TMEM117: variants seen among roughly 807,000 people sequenced by gnomAD.
TMEM117 encodes the protein transmembrane protein 117.
Under a neutral mutation model 52.4 loss-of-function variants are expected in TMEM117, and 27 were observed. The observed-to-expected ratio is 0.51, with a 90% CI of 0.38 to 0.71. The LOEUF is 0.71. TMEM117 is among the 30% of genes least tolerant of loss of function. The probability of loss-of-function intolerance (pLI) is 0.00; values close to 1 mark genes in which losing one functional copy is unlikely to be tolerated. For synonymous variants in TMEM117, 215 were observed against 206.3 expected (o/e 1.04, Z -0.36); for missense variants, 556 against 630.5 (o/e 0.88, Z 1.26).
chr12:44,064,233 A>G (rs573893480), intron 3 of TMEM117, among the ~76,000 whole-genome samples: 170 of 152,324 alleles, frequency 1.1e-3, no homozygotes, highest in Non-Finnish European at 9.6e-4. Flanking sequence ...AACGGTGTGA[A>G]TCAGTTGACA....
At chr12:44,213,371 G>C (rs1949672305) in intron 5 of TMEM117, among the ~76,000 whole-genome samples, 1 of 152,228 alleles carries the variant, frequency 6.6e-6, no homozygotes, top group East Asian at 1.9e-4. Context: ...TGCTAAAGAA[G>C]AACATACAGT....
chr12:43,976,633 G>T (rs181040146), intron 3 of TMEM117, among the ~76,000 whole-genome samples: 151 of 152,194 alleles, frequency 9.9e-4, no homozygotes, highest in Admixed American at 2.2e-3. Context: ...AAGAACAGCT[G>T]CTTTCAGCTC....
chr12:44,035,141 A>G (rs55917469), intron 3 of TMEM117, among the ~76,000 whole-genome samples: 14,552 of 152,134 alleles, frequency 0.096, 1,111 homozygotes, highest in African/African-American at 0.2. Context: ...CAGGCTTCAT[A>G]ATTGTGTGAG....
intron 2 of TMEM117, among the ~76,000 whole-genome samples, chr12:43,915,677 T>A (rs1385255120): frequency 6.6e-6 from 1 of 151,714 alleles, no homozygotes; most frequent in Non-Finnish European, 1.5e-5. Flanking sequence ...TAGAGAAGGC[T>A]TGTTTCTATT....
At chr12:43,797,250 T>C in the TMEM117 span, 6 of 1,522,410 alleles carry the variant, frequency 3.9e-6, no homozygotes, top group Non-Finnish European at 5.3e-6. Flanking sequence ...ATAGGGCTGA[T>C]ACACCAATAA....
At chr12:44,064,059 A>G (rs1947183990) in intron 3 of TMEM117, among the ~76,000 whole-genome samples, 1 of 152,080 alleles carries the variant, frequency 6.6e-6, no homozygotes, top group African/African-American at 2.4e-5. Flanking sequence ...TGAAGGGATT[A>G]CTGAGAACCA....
rs1361454472 is a variant in TMEM117, at chr12:44,388,560, A to G, written c.1433A>G (p.Tyr478Cys). 33 of 1,613,566 alleles carry G rather than the reference A, an allele frequency of 2.0e-5. No homozygotes were observed. The highest frequency in any genetic ancestry group is 2.7e-5 in the Non-Finnish European group (32 of 1,179,616). ...AGGTCTGACTTCAATGAGATCGTCT[A>G]CAAGTCTTCCCACCTAACCTCGGAA... Reference protein sequence around the residue: ...CIRSDFNEIVYKSSHLTSENL... With the variant: ...CIRSDFNEIVCKSSHLTSENL... Residue 478 changes from tyrosine to cysteine, a missense_variant, in exon 8 of 8, where the codon TAC becomes TGC. Around this residue, in one of 3 missense-constraint regions of TMEM117, gnomAD observed 206 missense variants for 211.1 expected, o/e 0.98. Coordinates refer to ENST00000266534, the MANE Select transcript of TMEM117 (RefSeq NM_032256.3).
chr12:44,076,223 A>G (rs1447689473), intron 3 of TMEM117, among the ~76,000 whole-genome samples: 2 of 152,238 alleles, frequency 1.3e-5, no homozygotes, highest in African/African-American at 4.8e-5. Context: ...TAGTGAGGAA[A>G]TGACATCAGA....
chr12:44,241,947 G>A (rs987745338), intron 5 of TMEM117, among the ~76,000 whole-genome samples: 1 of 151,790 alleles, frequency 6.6e-6, no homozygotes, highest in East Asian at 1.9e-4. Context: ...TTCGGAATTT[G>A]CTTGGCTATT....
At chr12:44,252,319 A>G (rs1378941348) in intron 5 of TMEM117, among the ~76,000 whole-genome samples, 1 of 152,134 alleles carries the variant, frequency 6.6e-6, no homozygotes, top group Non-Finnish European at 1.5e-5. Flanking sequence ...ATCCTGGGCA[A>G]CAAAGCAAAA....
At chr12:44,317,040 A>G (rs1341702505) in intron 6 of TMEM117, among the ~76,000 whole-genome samples, 2 of 124,916 alleles carry the variant, frequency 1.6e-5, no homozygotes, top group Non-Finnish European at 3.3e-5. Context: ...CTTGTCTTGA[A>G]TCTTGTTGAG....
At chr12:43,892,924 A>G (rs568806486) in intron 2 of TMEM117, among the ~76,000 whole-genome samples, 1 of 152,204 alleles carries the variant, frequency 6.6e-6, no homozygotes, top group Non-Finnish European at 1.5e-5. Flanking sequence ...TTGTCTGAAA[A>G]GGTGAGATTT....
intron 2 of TMEM117, among the ~76,000 whole-genome samples, chr12:43,867,129 A>G (rs1295009659): frequency 6.6e-6 from 1 of 152,166 alleles, no homozygotes; most frequent in African/African-American, 2.4e-5. Flanking sequence ...AATGTTTAAA[A>G]GGAAAATTGT....
chr12:43,849,650 A>G lies in TMEM117; in HGVS notation c.277+4722A>G, dbSNP rs1266668994. Reference sequence around the variant, plus strand: ...TCTCTCTTTTTTTTTTACTTACAGTAGAAAAGATTATATGATGTAGTCAGC... The same window carrying G: ...TCTCTCTTTTTTTTTTACTTACAGTGGAAAAGATTATATGATGTAGTCAGC... On this transcript the variant is annotated intron_variant, in intron 2 of 7. Coordinates refer to ENST00000266534, the MANE Select transcript of TMEM117 (RefSeq NM_032256.3). 2.0e-5 allele frequency among the ~76,000 whole-genome samples: 3 copies of G among 152,136 alleles called. No individual in the cohort carries two copies. The East Asian group carries it at 5.8e-4, about 29-fold the overall frequency.
chr12:43,914,626 T>C lies in TMEM117; in HGVS notation c.278-29584T>C, dbSNP rs201424669. ...GGTTACTTTTACTGTCCCTGACTGATACGTCTGCATATAAAAGAACAGTCA... is the reference window on the plus strand; with the variant it reads ...GGTTACTTTTACTGTCCCTGACTGACACGTCTGCATATAAAAGAACAGTCA... On this transcript the variant is annotated intron_variant, in intron 2 of 7. Coordinates refer to ENST00000266534, the MANE Select transcript of TMEM117 (RefSeq NM_032256.3). Among the ~76,000 whole-genome samples the C allele has an allele frequency of 1.1e-4, 16 of 152,260 alleles. No homozygotes were observed. In the East Asian group the frequency reaches 2.9e-3, roughly 28 times the overall value.
At chr12:43,967,758 T>A (rs568641146) in intron 3 of TMEM117, among the ~76,000 whole-genome samples, 1 of 152,340 alleles carries the variant, frequency 6.6e-6, no homozygotes, top group Non-Finnish European at 1.5e-5. Context: ...GAAACTGAGA[T>A]AATGAATGCT....
At chr12:43,994,236 CATT>C (rs1266348036) in intron 3 of TMEM117, among the ~76,000 whole-genome samples, 21 of 152,222 alleles carry the variant, frequency 1.4e-4, no homozygotes, top group African/African-American at 5.1e-4. Context: ...GGTAAAGAAA[CATT>C]GTTATTTTTG....
intron 5 of TMEM117, among the ~76,000 whole-genome samples, chr12:44,237,720 T>TAA (rs1408109680): frequency 6.8e-6 from 1 of 147,084 alleles, no homozygotes; most frequent in African/African-American, 2.5e-5. Context: ...CTGTCTCAAT[T>TAA]AAAAAAAAAA....
intron 3 of TMEM117, among the ~76,000 whole-genome samples, chr12:44,097,355 C>G (rs1947784204): frequency 6.6e-6 from 1 of 152,014 alleles, no homozygotes; most frequent in African/African-American, 2.4e-5. Context: ...CCCAGCCATC[C>G]CGTTACTGGG....
Sources: allele counts gnomAD v4.1 joint callset (sites outside exome capture counted in the v4.1 genomes callset), GRCh38; gene constraint gnomAD v4.1.1; regional missense constraint gnomAD v4.1.1; transcripts MANE v1.5; gene names NCBI Gene and HGNC (gene_info 2026-07-23, HGNC 2026-07-21).